The following LRP2 variants were observed in gnomAD, a reference collection of about 807,000 sequenced individuals.
LRP2 encodes LDL receptor related protein 2.
A neutral mutation model predicts 531.0 loss-of-function variants in LRP2; 172 were observed. That is an observed-to-expected ratio of 0.32 (90% CI 0.29 to 0.37). The LOEUF (loss-of-function observed/expected upper bound fraction) is 0.37. LRP2 is among the 10% of genes least tolerant of loss of function. The pLI is 1.00. For missense variants in LRP2, 5,167 were observed against 5,868.3 expected (o/e 0.88, Z 3.90); for synonymous variants, 1,992 against 2,027.6 (o/e 0.98, Z 0.47).
chr2:169,137,963 T>TTACA (rs1685579908), intron 75 of LRP2, among the ~76,000 whole-genome samples: 1 of 152,184 alleles, frequency 6.6e-6, no homozygotes, highest in Non-Finnish European at 1.5e-5. Context: ...CCAATACTGA[T>TTACA]TACAGAAAGC....
intron 50 of LRP2, chr2:169,182,675 TA>T (rs1687486212): frequency 1.0e-6 from 1 of 983,256 alleles, no homozygotes. Context: ...TATCATGAAT[TA>T]CAGTTTAAAT....
At chr2:169,161,239 C>T (rs1029499173) in intron 63 of LRP2, among the ~76,000 whole-genome samples, 3 of 152,172 alleles carry the variant, frequency 2.0e-5, no homozygotes, top group African/African-American at 7.2e-5. Flanking sequence ...TACTTAAGCT[C>T]TCTGAGCTTT....
At chr2:169,144,515 C>G (rs138193446) in intron 70 of LRP2, among the ~76,000 whole-genome samples, 2 of 152,064 alleles carry the variant, frequency 1.3e-5, no homozygotes, top group African/African-American at 4.8e-5. Flanking sequence ...GGTCCAGAGG[C>G]GGTAGGGAGG....
At position 169,188,064 on chromosome 2, in the gene LRP2, G is replaced by A. The variant is rs116975392; in HGVS notation, c.9234C>T (p.His3078=). The change falls in exon 49 of 79, where the codon CAC becomes CAT. Residue 3078 remains histidine (H), a synonymous_variant. Transcript: ENST00000649046. The part of the protein sequence containing the change: ...CHTPEPTCPP[H]EFKCDNGRCI... ...AGCGCCCATTGTCACACTTGAACTC[G>A]TGAGGTGGACACGTGGGTTCTGGGG... 3.6e-4 allele frequency: 575 copies of A among 1,614,070 alleles called. 3 individuals are homozygous for A. The East Asian group carries it at 0.011, about 32-fold the overall frequency.
intron 8 of LRP2, among the ~76,000 whole-genome samples, chr2:169,290,210 A>G (rs1428486258): frequency 6.8e-6 from 1 of 146,928 alleles, no homozygotes; most frequent in African/African-American, 2.5e-5. Flanking sequence ...TGCATGGCCA[A>G]CTCAGTTTTG....
chr2:169,209,537 G>T lies in LRP2; in HGVS notation c.6385C>A (p.Pro2129Thr). The change falls in exon 38 of 79, where the codon CCA becomes ACA. Residue 2129 changes from proline (P) to threonine (T), a missense_variant. Physicochemically the swap from Pro to Thr is conservative, Grantham distance 38. Coordinates refer to ENST00000649046, the MANE Select transcript of LRP2 (RefSeq NM_004525.3). ...ASDNAIRRIK[P>T]DGSSLMNIVT... ...ATGTTCATCAGAGAAGATCCATCTG[G>T]TTTAATTCTACGGATCGCATTATCA... The T allele has an allele frequency of 6.2e-7, 1 of 1,614,078 alleles. No individual in the cohort carries two copies. The highest frequency in any genetic ancestry group is 8.5e-7 in the Non-Finnish European group (1 of 1,179,966).
intron 1 of LRP2, among the ~76,000 whole-genome samples, chr2:169,352,169 T>C (rs1438712333): frequency 2.6e-5 from 4 of 152,114 alleles, no homozygotes; most frequent in Non-Finnish European, 5.9e-5. Context: ...CCTGCAACAG[T>C]TATTTACCTC....
At position 169,270,923 on chromosome 2, in the gene LRP2, C is replaced by T. The variant is rs1163346501; in HGVS notation, c.2301G>A (p.Lys767=). 1.2e-6 allele frequency: 2 copies of T among 1,612,546 alleles called. No homozygotes were observed. The highest frequency in any genetic ancestry group is 1.7e-6 in the Non-Finnish European group (2 of 1,179,350). Residue 767 remains lysine (K), a synonymous_variant, in exon 16 of 79, where the codon AAG becomes AAA. Transcript: ENST00000649046. ...TCTCACCTGTGCCATCAATCTTTTG[C>T]TTAAAAATCATGTGTTTTGACATAT... ...FSDMSKHMIF[K]QKIDGTGREI...
At position 169,198,830 on chromosome 2, in the gene LRP2, T is replaced by A; in HGVS notation, c.8534A>T (p.Asp2845Val). The change falls in exon 45 of 79, where the codon GAC (aspartate) becomes GTC (valine). Residue 2845 changes from aspartate (D) to valine (V), a missense_variant. Around this residue, in one of 6 missense-constraint regions of LRP2, gnomAD observed 1,129 missense variants for 1,362.7 expected, o/e 0.83. Coordinates refer to ENST00000649046, the MANE Select transcript of LRP2 (RefSeq NM_004525.3). Reference sequence around the variant, plus strand: ...ATCACTGTTATCTCCACAGTCATTGTCTCCGTCACACAAATAAACGCGAGG... The same window carrying A: ...ATCACTGTTATCTCCACAGTCATTGACTCCGTCACACAAATAAACGCGAGG... ...CIPRVYLCDGDNDCGDNSDEN... is the reference protein window; with the variant it reads ...CIPRVYLCDGVNDCGDNSDEN... 6.2e-7 allele frequency: 1 copy of A among 1,614,036 alleles called. No homozygotes were observed. The highest frequency in any genetic ancestry group is 8.5e-7 in the Non-Finnish European group (1 of 1,179,942).
intron 44 of LRP2, 37 bp from the exon 45 acceptor site, chr2:169,198,948 T>A (rs1361877617): frequency 6.2e-7 from 1 of 1,604,688 alleles, no homozygotes; most frequent in African/African-American, 1.3e-5. Context: ...TAGGAATATA[T>A]CCACCAAATA....
Position 169,215,704 on chromosome 2 carries a change from TATAA to T in LRP2, c.5826+545_5826+548del, listed in dbSNP as rs572673483. On this transcript the variant is annotated intron_variant, in intron 35 of 78. Transcript: ENST00000649046. ...TATAATAGATATATATTCTGTATTC[TATAA>T]ATATATATTCTATATTCTATAATAT... is the stretch of plus-strand genomic sequence containing the variant. 9.5e-3 allele frequency among the ~76,000 whole-genome samples: 1,415 copies of T among 148,182 alleles called. 20 individuals are homozygous for T. Among genetic ancestry groups the T allele is most frequent in the African/African-American group, 0.033 (1,345 of 40,846 alleles).
intron 1 of LRP2, 28 bp downstream of exon 1, chr2:169,362,293 C>T: frequency 1.3e-6 from 2 of 1,537,222 alleles, no homozygotes; most frequent in Non-Finnish European, 1.8e-6. Context: ...AGTGGGGGCT[C>T]CACGAGAGGC....
At chr2:169,155,188 T>C (rs962505319) in intron 65 of LRP2, among the ~76,000 whole-genome samples, 3 of 152,196 alleles carry the variant, frequency 2.0e-5, no homozygotes, top group Admixed American at 6.5e-5. Flanking sequence ...ATGCACTGTC[T>C]AGAATTTGTT....
At chr2:169,334,386 A>G (rs1685346284) in intron 1 of LRP2, among the ~76,000 whole-genome samples, 1 of 152,204 alleles carries the variant, frequency 6.6e-6, no homozygotes, top group African/African-American at 2.4e-5. Context: ...AAAGAAAATA[A>G]AATGATATTA....
intron 62 of LRP2, among the ~76,000 whole-genome samples, chr2:169,165,608 G>A (rs1457797400): frequency 1.3e-5 from 2 of 152,202 alleles, no homozygotes; most frequent in African/African-American, 2.4e-5. Context: ...ATTAATTTGC[G>A]AGGTGTGGCT....
At chr2:169,326,607 G>A (rs1685067644) in intron 1 of LRP2, among the ~76,000 whole-genome samples, 1 of 152,052 alleles carries the variant, frequency 6.6e-6, no homozygotes, top group Non-Finnish European at 1.5e-5. Context: ...CTCCCAAAGT[G>A]CCGAGATTGC....
At position 169,174,202 on chromosome 2, in the gene LRP2, A is replaced by G. The variant is rs1687104422; in HGVS notation, c.10769-38T>C. The G allele has an allele frequency of 3.1e-6, 5 of 1,613,820 alleles. No homozygotes were observed. The East Asian group carries it at 8.9e-5, about 29-fold the overall frequency. On this transcript the variant is annotated intron_variant, in intron 55 of 78. Coordinates refer to ENST00000649046, the MANE Select transcript of LRP2 (RefSeq NM_004525.3). ...ACATTTGGTTATCAGCTTGGAAGGCATCAAGAATGAAAGCTCCTAATTGAC... is the reference window on the plus strand; with the variant it reads ...ACATTTGGTTATCAGCTTGGAAGGCGTCAAGAATGAAAGCTCCTAATTGAC...
rs545940668 is a variant in LRP2 at position 169,317,529 on chromosome 2, G to A, written c.310+1233C>T. Among the ~76,000 whole-genome samples, 3 of 152,286 alleles carry A rather than the reference G, an allele frequency of 2.0e-5. No individual in the cohort carries two copies. In the South Asian group the frequency reaches 6.2e-4, roughly 32 times the overall value. ...TGAGAAAAAGCTGGATAATATTTCTGAGCTGGGAATTAATCAACCCTGGAA... is the reference window on the plus strand; with the variant it reads ...TGAGAAAAAGCTGGATAATATTTCTAAGCTGGGAATTAATCAACCCTGGAA... On this transcript the variant is annotated intron_variant, in intron 3 of 78. Transcript: ENST00000649046.
chr2:169,344,115 C>A (rs1307332889), intron 1 of LRP2, among the ~76,000 whole-genome samples: 2 of 152,074 alleles, frequency 1.3e-5, no homozygotes, highest in African/African-American at 4.8e-5. Context: ...GCTCATATTT[C>A]TTTCTTTTTT....
Sources: gnomAD v4.1 joint callset for allele counts (sites outside exome capture counted in the v4.1 genomes callset) on GRCh38, gnomAD v4.1.1 for gene constraint, gnomAD v4.1.1 regional missense constraint, MANE v1.5 for transcripts, NCBI Gene and HGNC (gene_info 2026-07-23, HGNC 2026-07-21) for gene names.